ATP10B: variants seen among roughly 807,000 people sequenced by gnomAD.
The protein encoded by ATP10B is phospholipid-transporting ATPase VB.
A neutral mutation model predicts 141.2 loss-of-function variants in ATP10B; 122 were observed. The ratio of observed to expected loss-of-function variants is 0.86; its 90% CI spans 0.75 to 1.00. The LOEUF is 1.00. Among genes scored for constraint, ATP10B ranks in the 50% least tolerant of loss-of-function variants. ATP10B has a pLI of 0.00. For missense variants in ATP10B, 1,876 were observed against 1,825.3 expected, an observed-to-expected ratio of 1.03 and a Z score of -0.51; for synonymous variants, 685 against 692.0, an observed-to-expected ratio of 0.99 and a Z score of 0.16.
At chr5:160,766,236 G>GA (rs1456675108) in intron 2 of ATP10B, among the ~76,000 whole-genome samples, 1 of 151,484 alleles carries the variant, frequency 6.6e-6, no homozygotes, top group Admixed American at 6.6e-5. Flanking sequence ...GTCATATTAT[G>GA]AAAAAGACAC....
the ATP10B span, among the ~76,000 whole-genome samples, chr5:160,882,609 G>T: frequency 6.6e-6 from 1 of 151,726 alleles, no homozygotes; most frequent in Admixed American, 6.6e-5. Flanking sequence ...AAAAAGTCAT[G>T]ATTTCTTCTT....
chr5:160,672,732 GA>G (rs1390085139), intron 6 of ATP10B, among the ~76,000 whole-genome samples: 4 of 152,218 alleles, frequency 2.6e-5, no homozygotes, highest in Non-Finnish European at 5.9e-5. Context: ...GTTTCTGCTG[GA>G]ATCTGAGCTG....
intron 15 of ATP10B, among the ~76,000 whole-genome samples, 197 bp downstream of exon 15, chr5:160,620,150 G>A (rs979384851): frequency 4.6e-5 from 7 of 152,206 alleles, no homozygotes; most frequent in Non-Finnish European, 1.0e-4. Flanking sequence ...AATGGACACT[G>A]TGATTCCCTA....
chr5:160,591,134 A>T lies in ATP10B; in HGVS notation c.3570T>A (p.Tyr1190Ter), dbSNP rs192136124. 1 of 1,613,462 alleles carries T rather than the reference A, an allele frequency of 6.2e-7. No homozygotes were observed. Residue 1190 changes from tyrosine to a stop codon, truncating the protein, a stop_gained, in exon 23 of 26, where the codon TAT becomes TAA. Transcript: ENST00000327245. LOFTEE classifies it high-confidence loss of function. ...LYKSGQNSEC[Y>*]NLSTFWISMV... is the part of the protein sequence containing the mutation. Reference sequence around the variant, plus strand: ...TAGAAATCCAGAAAGTCGACAGGTTATAGCACTGCCAGGAGAGAACACACC... The same window carrying T: ...TAGAAATCCAGAAAGTCGACAGGTTTTAGCACTGCCAGGAGAGAACACACC...
the ATP10B span, among the ~76,000 whole-genome samples, chr5:160,861,150 A>G: frequency 1.3e-5 from 2 of 151,652 alleles, no homozygotes; most frequent in Non-Finnish European, 2.9e-5. Flanking sequence ...TCTTTTGGCC[A>G]TTTTTGTTTT....
intron 24 of ATP10B, 120 bp downstream of exon 24, chr5:160,589,472 G>A (rs936826945): frequency 1.3e-5 from 10 of 766,516 alleles, no homozygotes; most frequent in Non-Finnish European, 1.8e-5. Context: ...ACATAGGGTA[G>A]GAGCTTAGTA....
At chr5:160,813,907 C>T (rs952583143) in intron 1 of ATP10B, among the ~76,000 whole-genome samples, 4 of 152,184 alleles carry the variant, frequency 2.6e-5, no homozygotes, top group Non-Finnish European at 5.9e-5. Flanking sequence ...CTCCAACAGA[C>T]CTGTAGCTGA....
At chr5:160,823,671 A>G (rs936046859) in intron 1 of ATP10B, among the ~76,000 whole-genome samples, 3 of 152,114 alleles carry the variant, frequency 2.0e-5, no homozygotes, top group Admixed American at 6.5e-5. Flanking sequence ...CCTGGCTACT[A>G]AAGATACAAA....
chr5:160,594,183 T>G (rs1282574383), intron 22 of ATP10B, among the ~76,000 whole-genome samples: 1 of 152,172 alleles, frequency 6.6e-6, no homozygotes, highest in Non-Finnish European at 1.5e-5. Context: ...GACTAACAGC[T>G]GATCTCTCAG....
At chr5:160,660,302 G>C (rs1417451572) in intron 7 of ATP10B, among the ~76,000 whole-genome samples, 1 of 152,144 alleles carries the variant, frequency 6.6e-6, no homozygotes, top group Non-Finnish European at 1.5e-5. Flanking sequence ...ATCTACCAAA[G>C]ACCACTAACG....
chr5:160,733,405 C>G (rs1263602827), intron 2 of ATP10B, among the ~76,000 whole-genome samples: 1 of 151,950 alleles, frequency 6.6e-6, no homozygotes, highest in African/African-American at 2.4e-5. Flanking sequence ...GAAATAATGA[C>G]ACAAAACTTC....
intron 1 of ATP10B, among the ~76,000 whole-genome samples, chr5:160,812,020 C>CAGAGAGAGAGAGAGAGAGAGAGAG (rs34793101): frequency 1.8e-5 from 2 of 111,418 alleles, no homozygotes; most frequent in African/African-American, 2.9e-5. Flanking sequence ...GAGACAGAGA[C>CAGAGAGAGAGAGAGAGAGAGAGAG]AGAGAGAGAG....
At chr5:160,715,266 G>C (rs985706500) in intron 3 of ATP10B, among the ~76,000 whole-genome samples, 1 of 127,114 alleles carries the variant, frequency 7.9e-6, no homozygotes, top group African/African-American at 3.0e-5. Flanking sequence ...CAATCAGCGA[G>C]ATTCCGTGGG....
At chr5:160,772,709 C>T (rs1279673356) in intron 2 of ATP10B, among the ~76,000 whole-genome samples, 1 of 152,200 alleles carries the variant, frequency 6.6e-6, no homozygotes, top group African/African-American at 2.4e-5. Context: ...TAATGCTCAT[C>T]TGCTGCTCAC....
the ATP10B span, among the ~76,000 whole-genome samples, chr5:160,867,500 T>C: frequency 6.6e-6 from 1 of 152,160 alleles, no homozygotes; most frequent in Non-Finnish European, 1.5e-5. Flanking sequence ...CCTGAGCAAC[T>C]TGCCACATAG....
chr5:160,802,804 C>G (rs1023042282), intron 1 of ATP10B, among the ~76,000 whole-genome samples: 3 of 152,182 alleles, frequency 2.0e-5, no homozygotes, highest in African/African-American at 7.2e-5. Flanking sequence ...TTCAAAGTAT[C>G]AGAGTGTGTG....
intron 2 of ATP10B, among the ~76,000 whole-genome samples, chr5:160,758,622 C>G (rs1246158476): frequency 2.0e-5 from 3 of 152,182 alleles, no homozygotes; most frequent in African/African-American, 7.2e-5. Context: ...CTGTGATAAA[C>G]AGATGTAGGC....
At chr5:160,804,126 G>T (rs1017821339) in intron 1 of ATP10B, among the ~76,000 whole-genome samples, 12 of 152,120 alleles carry the variant, frequency 7.9e-5, no homozygotes, top group Admixed American at 7.2e-4. Flanking sequence ...GAGATAAGCA[G>T]ATCTATTTGG....
At chr5:160,630,274 T>C (rs1196669171) in intron 13 of ATP10B, among the ~76,000 whole-genome samples, 1 of 152,208 alleles carries the variant, frequency 6.6e-6, no homozygotes, top group Non-Finnish European at 1.5e-5. Flanking sequence ...GGCAGGATGA[T>C]GACATCTAGG....
Sources: allele counts gnomAD v4.1 joint callset (sites outside exome capture counted in the v4.1 genomes callset), GRCh38; gene constraint gnomAD v4.1.1; transcripts MANE v1.5; gene names NCBI Gene and HGNC (gene_info 2026-07-23, HGNC 2026-07-21).